FBXL18: variants seen among roughly 807,000 people sequenced by gnomAD.
FBXL18 encodes the protein F-box/LRR-repeat protein 18.
FBXL18 carries 36 observed loss-of-function variants against 46.0 expected under a neutral mutation model. The ratio of observed to expected loss-of-function variants is 0.78; its 90% CI spans 0.60 to 1.03. FBXL18 has a LOEUF of 1.03. FBXL18 is among the 50% of genes least tolerant of loss of function. The probability of loss-of-function intolerance (pLI) is 0.00; values close to 1 mark genes in which losing one functional copy is unlikely to be tolerated. For missense variants in FBXL18, 977 were observed against 1,004.1 expected (o/e 0.97, Z 0.36); for synonymous variants, 557 against 465.3 (o/e 1.20, Z -2.54).
rs1013969817 is a variant in FBXL18 at position 5,477,094 on chromosome 7, AGCCAGGAC to A, written c.*4673_*4680del. The A allele has an allele frequency of 6.6e-6, 1 of 151,320 alleles. No homozygotes were observed. Among genetic ancestry groups the A allele is most frequent in the African/African-American group, 2.4e-5 (1 of 41,106 alleles). The allele number at this position is 151,320 out of a possible 1,614,324, so 9.4% of individuals were successfully genotyped here. ...AGTAGAGACGGGGTTTCACTGTGTT[AGCCAGGAC>A]GGTCTCGATCTCCTGACCTCATGAT... is the stretch of plus-strand genomic sequence containing the variant. On this transcript the variant is annotated 3_prime_UTR_variant, in exon 5 of 5. Coordinates refer to ENST00000382368, the MANE Select transcript of FBXL18 (RefSeq NM_024963.6). This position sits in a 1 kb window ranked among gnomAD's most constrained non-coding sequence, Gnocchi z 4.4.
chr7:5,507,278 G>A (rs897130968), intron 1 of FBXL18, among the ~76,000 whole-genome samples: 17 of 152,132 alleles, frequency 1.1e-4, no homozygotes, highest in South Asian at 4.1e-4. Context: ...CACGGGTATC[G>A]GAGGTTTCCT....
intron 3 of FBXL18, chr7:5,495,986 C>A: frequency 2.3e-6 from 1 of 440,394 alleles, no homozygotes; most frequent in Non-Finnish European, 4.8e-6. Flanking sequence ...CCCACAAAAC[C>A]CACAGAACCC....
At chr7:5,502,295 G>A (rs550058806) in intron 2 of FBXL18, among the ~76,000 whole-genome samples, 1 of 152,330 alleles carries the variant, frequency 6.6e-6, no homozygotes, top group East Asian at 1.9e-4. Context: ...AGCACTTGGG[G>A]AAGCCAAGGC....
At chr7:5,494,076 C>A (rs368954782) in intron 3 of FBXL18, among the ~76,000 whole-genome samples, 13 of 152,060 alleles carry the variant, frequency 8.5e-5, no homozygotes, top group African/African-American at 2.4e-4. Flanking sequence ...AGTTTGAGAC[C>A]AGCCTGACCA....
intron 2 of FBXL18, among the ~76,000 whole-genome samples, chr7:5,504,730 A>C (rs1189783852): frequency 6.7e-6 from 1 of 149,520 alleles, no homozygotes; most frequent in Non-Finnish European, 1.5e-5. Flanking sequence ...CCTGGCTAAC[A>C]CAGTGAAACC....
chr7:5,462,993 TATA>T (rs1314818910), intron 4 of FBXL18, among the ~76,000 whole-genome samples: 1,802 of 43,826 alleles, frequency 0.041, 117 homozygotes, highest in African/African-American at 0.073. Context: ...TATATATATA[TATA>T]ATATATATAC....
At chr7:5,482,155 G>C (rs893343541) in intron 4 of FBXL18, among the ~76,000 whole-genome samples, 1 of 152,176 alleles carries the variant, frequency 6.6e-6, no homozygotes. Context: ...CAGGCCACAC[G>C]CTTCTCTCCA....
chr7:5,483,993 C>T (rs187899437), intron 4 of FBXL18, among the ~76,000 whole-genome samples: 2 of 152,268 alleles, frequency 1.3e-5, no homozygotes, highest in East Asian at 1.9e-4. Context: ...GCAGAGGTTT[C>T]GGCAATAAAG....
At chr7:5,466,845 C>A (rs769357227) in intron 4 of FBXL18, among the ~76,000 whole-genome samples, 2 of 152,196 alleles carry the variant, frequency 1.3e-5, no homozygotes, top group Non-Finnish European at 2.9e-5. Flanking sequence ...CCGGAGGCAG[C>A]CAGCTGGAGG....
In FBXL18 at chr7:5,480,532, A is replaced by G. The variant is rs1783612845; in HGVS notation, c.*1243T>C. 1 of 37,100 alleles carries G rather than the reference A, an allele frequency of 2.7e-5. No individual in the cohort carries two copies. Among genetic ancestry groups the G allele is most frequent in the East Asian group, 4.5e-4 (1 of 2,204 alleles). The allele number at this position is 37,100 out of a possible 1,614,324, so 2.3% of individuals were successfully genotyped here. A position where few individuals can be genotyped will look rare whatever the true frequency, so the allele number is the denominator to read the frequency against. On this transcript the variant is annotated 3_prime_UTR_variant, in exon 5 of 5. Coordinates refer to ENST00000382368, the MANE Select transcript of FBXL18 (RefSeq NM_024963.6). Reference sequence around the variant, plus strand: ...GATCCTCCCAAAGTGTGTTGAATATATATATATATATATATATTTTTTTTT... The same window carrying G: ...GATCCTCCCAAAGTGTGTTGAATATGTATATATATATATATATTTTTTTTT...
At chr7:5,482,182 G>A (rs1013099832) in intron 4 of FBXL18, among the ~76,000 whole-genome samples, 12 of 152,202 alleles carry the variant, frequency 7.9e-5, no homozygotes, top group Non-Finnish European at 1.5e-4. Flanking sequence ...GGGGGCACCC[G>A]CTCCATGCCA....
rs976471187 is a variant in FBXL18 at position 5,464,245 on chromosome 7, G to A, written c.2001-16402C>T. ...TGTAATCCCAGCACTTTGGGAGGCCGAGGCAGGCGGATCACCTGAGGTCAG... is the reference window on the plus strand; with the variant it reads ...TGTAATCCCAGCACTTTGGGAGGCCAAGGCAGGCGGATCACCTGAGGTCAG... On this transcript the variant is annotated intron_variant and NMD_transcript_variant, in intron 4 of 6. Coordinates refer to the FBXL18 transcript ENST00000415009. Among the ~76,000 whole-genome samples, 8 of 151,896 alleles carry A rather than the reference G, an allele frequency of 5.3e-5. No homozygotes were observed. In the East Asian group the frequency reaches 5.9e-4, roughly 11 times the overall value.
At chr7:5,505,343 G>T in intron 2 of FBXL18, 69 bp downstream of exon 2, 2 of 1,435,240 alleles carry the variant, frequency 1.4e-6, no homozygotes, top group Non-Finnish European at 1.9e-6. Context: ...TTCCACTGCA[G>T]GGCTGTGCCC....
chr7:5,498,047 C>G (rs1215625740), intron 3 of FBXL18, among the ~76,000 whole-genome samples: 1 of 150,638 alleles, frequency 6.6e-6, no homozygotes, highest in African/African-American at 2.4e-5. Context: ...CCTTCACTAC[C>G]TTTTGGGTAA....
chr7:5,498,368 G>C (rs1480578157), intron 3 of FBXL18, among the ~76,000 whole-genome samples: 1 of 152,192 alleles, frequency 6.6e-6, no homozygotes, highest in Admixed American at 6.5e-5. Context: ...TTACAGGCGT[G>C]AGCCACGGCG....
In FBXL18 at chr7:5,493,680, CGTGCGTGT is replaced by C. The variant is rs1329877900; in HGVS notation, c.1782-2239_1782-2232del. ...TTGTGTGTGTGTGCGTGCGTGCGTG[CGTGCGTGT>C]GTGTGTGTGGAGACAGGGGTCTCAC... On this transcript the variant is annotated intron_variant, in intron 3 of 4. Coordinates refer to ENST00000382368, the MANE Select transcript of FBXL18 (RefSeq NM_024963.6). 2.6e-3 allele frequency among the ~76,000 whole-genome samples: 357 copies of C among 135,360 alleles called. 1 individual carries two copies. The highest frequency in any genetic ancestry group is 7.9e-3 in the African/African-American group (299 of 37,940). 88.8% of individuals were successfully genotyped at this position (135,360 alleles called of 152,430 possible). A position where few individuals can be genotyped will look rare whatever the true frequency, so the allele number is the denominator to read the frequency against.
At chr7:5,502,503 C>T (rs1167098725) in intron 2 of FBXL18, among the ~76,000 whole-genome samples, 2 of 151,366 alleles carry the variant, frequency 1.3e-5, no homozygotes, top group African/African-American at 4.9e-5. Context: ...CCACTACACT[C>T]CAGCCTGGGC....
At chr7:5,502,801 C>T (rs1337459707) in intron 2 of FBXL18, among the ~76,000 whole-genome samples, 8 of 150,938 alleles carry the variant, frequency 5.3e-5, no homozygotes, top group Non-Finnish European at 1.0e-4. Context: ...GCACTCCAAC[C>T]TGGTGACAGA....
At chr7:5,467,453 G>A (rs1783359883) in intron 4 of FBXL18, among the ~76,000 whole-genome samples, 1 of 151,764 alleles carries the variant, frequency 6.6e-6, no homozygotes, top group African/African-American at 2.4e-5. Context: ...GGCTGAGGCA[G>A]GAGAATCACT....
Sources: allele counts gnomAD v4.1 joint callset (sites outside exome capture counted in the v4.1 genomes callset), GRCh38; gene constraint gnomAD v4.1.1; non-coding constraint Gnocchi (gnomAD v3.1); transcripts MANE v1.5; gene names NCBI Gene and HGNC (gene_info 2026-07-23, HGNC 2026-07-21).